The following ROBO2 variants were observed in gnomAD, a reference collection of about 807,000 sequenced individuals.
ROBO2 encodes roundabout guidance receptor 2.
In ROBO2, 53 loss-of-function variants were observed where a neutral mutation model predicts 160.8. The observed-to-expected ratio is 0.33, with a 90% CI of 0.26 to 0.41. The LOEUF is 0.41. ROBO2 is among the 10% of genes least tolerant of loss of function. ROBO2 has a pLI of 1.00. For synonymous variants in ROBO2, 664 were observed against 611.7 expected, an observed-to-expected ratio of 1.09 and a Z score of -1.26; for missense variants, 1,577 against 1,722.4, an observed-to-expected ratio of 0.92 and a Z score of 1.49.
chr3:77,353,246 G>A (rs1402046188), intron 2 of ROBO2, among the ~76,000 whole-genome samples: 1 of 152,034 alleles, frequency 6.6e-6, no homozygotes, highest in Non-Finnish European at 1.5e-5. Context: ...CTGCGATGTG[G>A]GCCACCCAAA....
At chr3:76,969,429 C>G (rs1421419554) in intron 2 of ROBO2, among the ~76,000 whole-genome samples, 8 of 152,054 alleles carry the variant, frequency 5.3e-5, no homozygotes, top group Non-Finnish European at 1.5e-5. Flanking sequence ...TGCATTGTAT[C>G]GTTCCTAAGC....
chr3:76,222,596 A>T (rs1245378595), intron 2 of ROBO2, among the ~76,000 whole-genome samples: 1 of 152,058 alleles, frequency 6.6e-6, no homozygotes, highest in Non-Finnish European at 1.5e-5. Flanking sequence ...TTAGAAAGAC[A>T]GTTAACAACC....
intron 24 of ROBO2, among the ~76,000 whole-genome samples, chr3:77,638,259 G>T (rs1412008772): frequency 6.6e-6 from 1 of 152,202 alleles, no homozygotes; most frequent in Non-Finnish European, 1.5e-5. Context: ...ATACTTAGCA[G>T]CATTGATTGT....
intron 2 of ROBO2, among the ~76,000 whole-genome samples, chr3:76,365,724 ACTAT>A (rs1318260161): frequency 1.3e-5 from 2 of 152,072 alleles, no homozygotes; most frequent in Non-Finnish European, 2.9e-5. Context: ...TATCTTGAAA[ACTAT>A]CTATTAAATT....
chr3:76,303,602 A>G (rs2071178770), intron 2 of ROBO2, among the ~76,000 whole-genome samples: 1 of 47,094 alleles, frequency 2.1e-5, no homozygotes, highest in African/African-American at 3.7e-5. Context: ...ATTTTGAACT[A>G]CTCTTCAAAA....
intron 2 of ROBO2, among the ~76,000 whole-genome samples, chr3:77,291,512 G>C (rs1476690248): frequency 2.0e-5 from 3 of 151,530 alleles, no homozygotes; most frequent in Admixed American, 1.3e-4. Context: ...AAGTAAAATT[G>C]ATGGTTAAAA....
intron 2 of ROBO2, among the ~76,000 whole-genome samples, chr3:76,597,292 TA>T (rs2086797244): frequency 6.6e-6 from 1 of 152,034 alleles, no homozygotes; most frequent in Admixed American, 6.6e-5. Context: ...TTTTACTCTG[TA>T]AAAGCCGTGT....
chr3:77,542,948 A>T (rs971592204), intron 6 of ROBO2, among the ~76,000 whole-genome samples: 1 of 152,192 alleles, frequency 6.6e-6, no homozygotes. Context: ...AGCAGAAATC[A>T]TCTGTCCCTA....
intron 2 of ROBO2, among the ~76,000 whole-genome samples, chr3:77,321,220 A>G (rs2064658437): frequency 6.6e-6 from 1 of 152,120 alleles, no homozygotes; most frequent in Non-Finnish European, 1.5e-5. Flanking sequence ...TTCTCTGTGT[A>G]TTAGAAATAT....
chr3:76,409,477 A>T (rs1199360361), intron 2 of ROBO2, among the ~76,000 whole-genome samples: 10 of 152,022 alleles, frequency 6.6e-5, no homozygotes, highest in Admixed American at 4.6e-4. Context: ...TTAACATATG[A>T]TCCATTATGT....
chr3:76,790,854 GT>G (rs2063309793), intron 2 of ROBO2, among the ~76,000 whole-genome samples: 1 of 151,640 alleles, frequency 6.6e-6, no homozygotes, highest in Non-Finnish European at 1.5e-5. Flanking sequence ...ATAGATCTGG[GT>G]TCTTTTCAGC....
intron 2 of ROBO2, among the ~76,000 whole-genome samples, chr3:76,977,043 G>A (rs1361464966): frequency 6.6e-6 from 1 of 152,090 alleles, no homozygotes; most frequent in African/African-American, 2.4e-5. Context: ...ATTCATGTTG[G>A]AAATGGCATC....
At chr3:77,166,848 C>T (rs777127897) in intron 2 of ROBO2, among the ~76,000 whole-genome samples, 2 of 152,294 alleles carry the variant, frequency 1.3e-5, no homozygotes, top group South Asian at 2.1e-4. Flanking sequence ...CGTGAGCCCC[C>T]GCGCCCGGCC....
At chr3:76,235,374 C>T (rs1342438866) in intron 2 of ROBO2, among the ~76,000 whole-genome samples, 1 of 152,108 alleles carries the variant, frequency 6.6e-6, no homozygotes, top group African/African-American at 2.4e-5. Flanking sequence ...CCCAGCATTG[C>T]CAGCAACCAA....
At chr3:77,087,494 G>T (rs1366327504) in intron 1 of ROBO2, among the ~76,000 whole-genome samples, 1 of 152,108 alleles carries the variant, frequency 6.6e-6, no homozygotes, top group East Asian at 1.9e-4. Context: ...CATGTAAGAT[G>T]TAGCAAATTG....
At chr3:77,344,457 G>A (rs2067409152) in intron 2 of ROBO2, among the ~76,000 whole-genome samples, 1 of 152,064 alleles carries the variant, frequency 6.6e-6, no homozygotes, top group African/African-American at 2.4e-5. Flanking sequence ...TCATGAATGG[G>A]ATTAGTGTCC....
chr3:77,393,110 T>C (rs1000429473), intron 2 of ROBO2, among the ~76,000 whole-genome samples: 29 of 152,114 alleles, frequency 1.9e-4, no homozygotes, highest in African/African-American at 6.5e-4. Context: ...AAGAATAAAT[T>C]TGCATTTATT....
rs879276100 is a variant in ROBO2, at chr3:76,568,597, C to T, written c.110-529417C>T. ...CTGGGATTACAGGCGTGAGCCACCG[C>T]GCCTGGCCACATTGCTTTTCTTAAA... is the stretch of plus-strand genomic sequence containing the variant. On this transcript the variant is annotated intron_variant, in intron 2 of 26. Coordinates refer to the ROBO2 transcript ENST00000487694. Among the ~76,000 whole-genome samples, 9 of 152,194 alleles carry T rather than the reference C, an allele frequency of 5.9e-5. No individual in the cohort carries two copies. In the East Asian group the frequency reaches 1.6e-3, roughly 26 times the overall value.
chr3:77,190,900 G>T (rs963260805), intron 2 of ROBO2, among the ~76,000 whole-genome samples: 1 of 151,914 alleles, frequency 6.6e-6, no homozygotes, highest in African/African-American at 2.4e-5. Context: ...TTTAAAAGGT[G>T]AATAGTCCTG....
Sources: gnomAD v4.1 joint callset for allele counts (sites outside exome capture counted in the v4.1 genomes callset) on GRCh38, gnomAD v4.1.1 for gene constraint, MANE v1.5 for transcripts, NCBI Gene and HGNC (gene_info 2026-07-23, HGNC 2026-07-21) for gene names.